DOCK2: variants seen among roughly 807,000 people sequenced by gnomAD.
DOCK2 encodes dedicator of cytokinesis protein 2.
Under a neutral mutation model 248.9 loss-of-function variants are expected in DOCK2, and 87 were observed. The ratio of observed to expected loss-of-function variants is 0.35; its 90% CI spans 0.29 to 0.42. The LOEUF is 0.42. Ranked by LOEUF, DOCK2 falls within the 10% of genes least tolerant of loss-of-function variation. The pLI, the probability that DOCK2 is intolerant of heterozygous loss-of-function variation, is 1.00. For synonymous variants in DOCK2, 805 were observed against 821.6 expected, an observed-to-expected ratio of 0.98 and a Z score of 0.35; for missense variants, 1,747 against 2,300.2, an observed-to-expected ratio of 0.76 and a Z score of 4.92.
intron 20 of DOCK2, among the ~76,000 whole-genome samples, chr5:169,716,805 C>T (rs192762059): frequency 6.6e-6 from 1 of 152,264 alleles, no homozygotes; most frequent in South Asian, 2.1e-4. Context: ...CTCCCTATCT[C>T]GACTCAGATT....
At chr5:169,665,323 T>A (rs9764204) in intron 2 of DOCK2, among the ~76,000 whole-genome samples, 1 of 144,150 alleles carries the variant, frequency 6.9e-6, no homozygotes, top group African/African-American at 2.6e-5. Context: ...TATATAAGTA[T>A]CAGCATATCT....
chr5:169,960,186 GTGTA>G (rs968656590), intron 27 of DOCK2, among the ~76,000 whole-genome samples: 3 of 152,328 alleles, frequency 2.0e-5, no homozygotes, highest in Non-Finnish European at 4.4e-5. Context: ...ATTTCCACCA[GTGTA>G]TAGTTCCAGA....
At chr5:169,827,919 T>A (rs382880) in intron 26 of DOCK2, among the ~76,000 whole-genome samples, 46,942 of 151,628 alleles carry the variant, frequency 0.31, 9,671 homozygotes, top group African/African-American at 0.59. Flanking sequence ...AGGCACACAC[T>A]CTGTTGGCGG....
At chr5:169,707,300 A>G (rs941695841) in intron 14 of DOCK2, among the ~76,000 whole-genome samples, 1 of 152,188 alleles carries the variant, frequency 6.6e-6, no homozygotes, top group African/African-American at 2.4e-5. Context: ...CCACTTGGAC[A>G]TGTGTGCTCT....
rs557050724 is a variant in DOCK2 at position 169,914,497 on chromosome 5, C to T, written c.2800-68571C>T. The stretch of plus-strand genomic sequence containing the variant: ...TGGAGGGATTGATTATTGGAGAACT[C>T]TGAACTTGGATTCAAAAGACCAAGG... On this transcript the variant is annotated intron_variant, in intron 27 of 51. Coordinates refer to ENST00000520908, the MANE Select transcript of DOCK2 (RefSeq NM_004946.3). Among the ~76,000 whole-genome samples, 21 of 152,298 alleles carry T rather than the reference C, an allele frequency of 1.4e-4. No homozygotes were observed. The South Asian group carries it at 3.9e-3, about 29-fold the overall frequency.
intron 26 of DOCK2, among the ~76,000 whole-genome samples, chr5:169,811,100 T>C (rs1767724074): frequency 6.6e-6 from 1 of 151,706 alleles, no homozygotes; most frequent in Non-Finnish European, 1.5e-5. Context: ...AGAATCCCGA[T>C]GGGAGGGGAG....
At chr5:169,662,366 C>T (rs1006510317) in intron 2 of DOCK2, among the ~76,000 whole-genome samples, 26 of 152,216 alleles carry the variant, frequency 1.7e-4, no homozygotes, top group Admixed American at 7.9e-4. Context: ...ATATTAACCC[C>T]TTATCAGATG....
chr5:169,810,231 A>G (rs191885842), intron 26 of DOCK2, among the ~76,000 whole-genome samples: 7 of 151,902 alleles, frequency 4.6e-5, no homozygotes, highest in Non-Finnish European at 1.0e-4. Flanking sequence ...TTGTGCGCTG[A>G]GTGCTAGCAG....
At chr5:169,981,370 T>C (rs58020356) in intron 27 of DOCK2, among the ~76,000 whole-genome samples, 10,063 of 152,240 alleles carry the variant, frequency 0.066, 1,036 homozygotes, top group African/African-American at 0.22. Context: ...TTATTATGCT[T>C]CACAGATACC....
At chr5:169,933,744 C>A (rs1775866004) in intron 27 of DOCK2, among the ~76,000 whole-genome samples, 1 of 152,180 alleles carries the variant, frequency 6.6e-6, no homozygotes, top group Admixed American at 6.5e-5. Context: ...ACTTCTCAGA[C>A]TTCCAGGCAG....
At chr5:169,889,377 C>G (rs1338906690) in intron 27 of DOCK2, among the ~76,000 whole-genome samples, 1 of 152,114 alleles carries the variant, frequency 6.6e-6, no homozygotes, top group African/African-American at 2.4e-5. Flanking sequence ...GAGGTGGGCA[C>G]TGTAATAAAT....
At chr5:170,073,249 C>G (rs1757737881) in intron 46 of DOCK2, among the ~76,000 whole-genome samples, 1 of 151,676 alleles carries the variant, frequency 6.6e-6, no homozygotes, top group Admixed American at 6.6e-5. Context: ...GACTATTTTC[C>G]CCCACTTTTG....
intron 26 of DOCK2, among the ~76,000 whole-genome samples, chr5:169,807,603 C>A (rs368100276): frequency 5.3e-5 from 8 of 151,886 alleles, no homozygotes. Context: ...GAGGCCGAGG[C>A]GGGCGGATCA....
In DOCK2 at chr5:170,008,565, C is replaced by A; in HGVS notation, c.3141C>A (p.Phe1047Leu). The A allele has an allele frequency of 6.2e-7, 1 of 1,614,136 alleles. No homozygotes were observed. Among genetic ancestry groups the A allele is most frequent in the South Asian group, 1.1e-5 (1 of 91,084 alleles). ...ITQDSLQLEQ[F>L]SHAKYNKILN... is the part of the protein sequence containing the mutation. The stretch of plus-strand genomic sequence containing the variant: ...AGGATTCTCTGCAGCTGGAGCAGTT[C>A]TCACACGCCAAATACAACAAAATCC... The change falls in exon 31 of 52, where the codon TTC becomes TTA. Residue 1047 changes from phenylalanine (F) to leucine (L), a missense_variant. Transcript: ENST00000520908.
rs554043815 is a variant in DOCK2 at position 169,648,284 on chromosome 5, C to T, written c.44-6119C>T. On this transcript the variant is annotated intron_variant, in intron 1 of 51. Coordinates refer to ENST00000520908, the MANE Select transcript of DOCK2 (RefSeq NM_004946.3). ...TAGAGGCTAGTAGCACTGACACCCC[C>T]GACTCCCCTCCCCCAGGTTGGGACA... Among the ~76,000 whole-genome samples the T allele has an allele frequency of 3.4e-4, 51 of 152,166 alleles. 1 individual carries two copies. Among genetic ancestry groups the T allele is most frequent in the African/African-American group, 1.0e-3 (42 of 41,504 alleles).
chr5:169,691,212 C>T (rs887598649), intron 9 of DOCK2, among the ~76,000 whole-genome samples: 5 of 152,150 alleles, frequency 3.3e-5, no homozygotes, highest in African/African-American at 4.8e-5. Context: ...TAGGAGAACT[C>T]GCTATCATGA....
At chr5:170,069,919 C>A (rs563659660) in intron 46 of DOCK2, among the ~76,000 whole-genome samples, 6 of 152,276 alleles carry the variant, frequency 3.9e-5, no homozygotes, top group South Asian at 2.1e-4. Context: ...TAGAAGCCTG[C>A]ACTTCTATTC....
chr5:169,704,955 A>G (rs34403880), intron 14 of DOCK2, among the ~76,000 whole-genome samples: 54,764 of 152,078 alleles, frequency 0.36, 11,970 homozygotes, highest in East Asian at 0.64. Context: ...TGAGGTCAGG[A>G]GTTTGAGACC....
chr5:169,903,893 A>G (rs1171813003), intron 27 of DOCK2, among the ~76,000 whole-genome samples: 1 of 151,990 alleles, frequency 6.6e-6, no homozygotes, highest in African/African-American at 2.4e-5. Context: ...TGAGGTCAGG[A>G]GTTCGAGACC....
Sources: allele counts gnomAD v4.1 joint callset (sites outside exome capture counted in the v4.1 genomes callset), GRCh38; gene constraint gnomAD v4.1.1; transcripts MANE v1.5; gene names NCBI Gene and HGNC (gene_info 2026-07-23, HGNC 2026-07-21).